Variants in SORD observed in about 807,000 individuals in gnomAD.
SORD encodes sorbitol dehydrogenase.
SORD carries 18 observed loss-of-function variants against 35.6 expected under a neutral mutation model. The observed-to-expected ratio is 0.51, with a 90% CI of 0.35 to 0.75. The LOEUF (loss-of-function observed/expected upper bound fraction) is 0.75. SORD is among the 30% of genes least tolerant of loss of function. SORD has a pLI of 0.01. For missense variants in SORD, 250 were observed against 390.2 expected, an observed-to-expected ratio of 0.64 and a Z score of 3.03; for synonymous variants, 106 against 152.9, an observed-to-expected ratio of 0.69 and a Z score of 2.26.
intron 1 of SORD, among the ~76,000 whole-genome samples, chr15:45,029,429 G>A (rs1892734488): frequency 6.6e-6 from 1 of 152,278 alleles, no homozygotes. Context: ...ACATGAATGA[G>A]TGAGTGCGGG....
intron 3 of SORD, among the ~76,000 whole-genome samples, chr15:45,053,385 A>T (rs1389534183): frequency 6.6e-6 from 1 of 152,242 alleles, no homozygotes; most frequent in African/African-American, 2.4e-5. Context: ...GGGAAGAGTC[A>T]TACAAAGACA....
At chr15:45,063,907 T>G (rs1217509399) in intron 4 of SORD, among the ~76,000 whole-genome samples, 1 of 146,404 alleles carries the variant, frequency 6.8e-6, no homozygotes, top group African/African-American at 2.5e-5. Flanking sequence ...GGGGAAGTGA[T>G]GGGAAAGAAG....
chr15:45,039,658 A>G (rs754875865), intron 1 of SORD, among the ~76,000 whole-genome samples: 3 of 152,208 alleles, frequency 2.0e-5, no homozygotes, highest in Non-Finnish European at 2.9e-5. Flanking sequence ...TGCAGGTCTT[A>G]TGTGTTCCCA....
At chr15:45,060,743 A>AG (rs11444715) in intron 3 of SORD, among the ~76,000 whole-genome samples, 143,276 of 151,860 alleles carry the variant, frequency 0.94, 67,630 homozygotes, top group Non-Finnish European at 0.96. Context: ...GTGGAGATAG[A>AG]GGGTGGCTTG....
At chr15:45,034,150 T>C (rs1479792553) in intron 1 of SORD, among the ~76,000 whole-genome samples, 3 of 151,062 alleles carry the variant, frequency 2.0e-5, no homozygotes, top group Non-Finnish European at 2.9e-5. Context: ...TCTTTTGTAA[T>C]AAGAGTGAAT....
At chr15:45,042,470 C>G (rs998184844) in intron 2 of SORD, 1 of 150,822 alleles carries the variant, frequency 6.6e-6, no homozygotes. Context: ...ACAGTCTGGG[C>G]GACAGAGGGA....
At chr15:45,034,064 T>C (rs1301754793) in intron 1 of SORD, among the ~76,000 whole-genome samples, 2 of 152,120 alleles carry the variant, frequency 1.3e-5, no homozygotes, top group African/African-American at 2.4e-5. Flanking sequence ...TTTACTCTTA[T>C]CAAAAGGACA....
chr15:45,040,117 T>C (rs894494478), intron 1 of SORD, among the ~76,000 whole-genome samples: 2 of 151,872 alleles, frequency 1.3e-5, no homozygotes, highest in African/African-American at 4.9e-5. Context: ...GACATGTCAC[T>C]ACTGACAACA....
chr15:45,030,423 T>C (rs1179700325), intron 1 of SORD, among the ~76,000 whole-genome samples: 1 of 152,282 alleles, frequency 6.6e-6, no homozygotes, highest in African/African-American at 2.4e-5. Flanking sequence ...TTAGTGTGGC[T>C]GTTGAAGCTG....
At chr15:45,045,420 C>T (rs1315230738) in intron 3 of SORD, among the ~76,000 whole-genome samples, 2 of 151,842 alleles carry the variant, frequency 1.3e-5, no homozygotes, top group African/African-American at 4.8e-5. Context: ...ATAATCCCAG[C>T]TACTTGGGAG....
In SORD at chr15:45,035,547, C is replaced by T. The variant is rs551270715; in HGVS notation, c.67-4861C>T. Among the ~76,000 whole-genome samples, 5 of 152,220 alleles carry T rather than the reference C, an allele frequency of 3.3e-5. No homozygotes were observed. In the South Asian group the frequency reaches 1.0e-3, roughly 32 times the overall value. On this transcript the variant is annotated intron_variant, in intron 1 of 8. Transcript: ENST00000267814. ...CACCCTGTCAAAACAGACCACTGGG[C>T]TCTAGCAATCAGCAGGATGTGAGTG...
chr15:45,030,187 C>T (rs1380942865), intron 1 of SORD, among the ~76,000 whole-genome samples: 2 of 152,216 alleles, frequency 1.3e-5, no homozygotes, highest in African/African-American at 2.4e-5. Context: ...CCACCCCTAT[C>T]TGCCTAGGCA....
At chr15:45,047,251 C>G (rs1893060185) in intron 3 of SORD, 1 of 151,860 alleles carries the variant, frequency 6.6e-6, no homozygotes, top group African/African-American at 2.4e-5. Context: ...AACTATGTAC[C>G]AGGACTCTAC....
intron 1 of SORD, among the ~76,000 whole-genome samples, chr15:45,026,260 T>C (rs181273704): frequency 2.0e-4 from 31 of 152,128 alleles, no homozygotes; most frequent in African/African-American, 6.8e-4. Context: ...AAACCAGAGA[T>C]AGCAACTAGG....
In SORD at chr15:45,068,199, C is replaced by T. The variant is rs1328518882; in HGVS notation, c.563C>T (p.Thr188Ile). 33 of 1,613,942 alleles carry T rather than the reference C, an allele frequency of 2.0e-5. No homozygotes were observed. The highest frequency in any genetic ancestry group is 2.8e-5 in the Non-Finnish European group (33 of 1,179,812). ...VCGAGPIGMV[T>I]LLVAKAMGAA... Reference sequence around the variant, plus strand: ...TGTTTAGGGCCAATCGGGATGGTCACTTTGCTCGTGGCCAAAGCAATGGGA... The same window carrying T: ...TGTTTAGGGCCAATCGGGATGGTCATTTTGCTCGTGGCCAAAGCAATGGGA... The change falls in exon 6 of 9, where the codon ACT becomes ATT. Residue 188 changes from threonine to isoleucine, a missense_variant. Physicochemically the swap from Thr to Ile is moderately conservative, Grantham distance 89 (BLOSUM62 -1). Transcript: ENST00000267814.
intron 1 of SORD, among the ~76,000 whole-genome samples, chr15:45,028,630 G>A (rs1212612359): frequency 3.9e-5 from 6 of 152,320 alleles, no homozygotes; most frequent in African/African-American, 1.4e-4. Context: ...ATGGGTTAAT[G>A]TTGTTTAATT....
chr15:45,062,706 C>T (rs2118114), intron 4 of SORD, among the ~76,000 whole-genome samples: 1 of 125,142 alleles, frequency 8.0e-6, no homozygotes, highest in Admixed American at 7.9e-5. Context: ...CCATCTTTCT[C>T]GGGCCCTTTC....
intron 1 of SORD, among the ~76,000 whole-genome samples, chr15:45,029,206 A>T (rs1892728966): frequency 1.3e-5 from 2 of 152,278 alleles, no homozygotes. Flanking sequence ...CCCAAACTGG[A>T]CATACCATTT....
At chr15:45,033,709 A>G (rs1595495871) in intron 1 of SORD, among the ~76,000 whole-genome samples, 1 of 146,914 alleles carries the variant, frequency 6.8e-6, no homozygotes, top group South Asian at 2.2e-4. Context: ...GAAAAAGCAG[A>G]TTGGTCATTT....
Sources: allele counts gnomAD v4.1 joint callset (sites outside exome capture counted in the v4.1 genomes callset), GRCh38; gene constraint gnomAD v4.1.1; transcripts MANE v1.5; gene names NCBI Gene and HGNC (gene_info 2026-07-23, HGNC 2026-07-21).